MS4A14: variants seen among roughly 807,000 people sequenced by gnomAD.
MS4A14 encodes membrane spanning 4-domains A14.
MS4A14 carries 18 observed loss-of-function variants against 16.7 expected under a neutral mutation model. The observed-to-expected ratio is 1.08, with a 90% CI of 0.75 to 1.60. The LOEUF is 1.60. MS4A14 is among the 40% of genes most tolerant of loss of function. The probability of loss-of-function intolerance (pLI) is 0.00; values close to 1 mark genes in which losing one functional copy is unlikely to be tolerated. For missense variants in MS4A14, 812 were observed against 775.3 expected, an observed-to-expected ratio of 1.05 and a Z score of -0.56; for synonymous variants, 305 against 289.4, an observed-to-expected ratio of 1.05 and a Z score of -0.55.
intron 4 of MS4A14, among the ~76,000 whole-genome samples, chr11:60,409,655 C>T (rs2135143512): frequency 6.6e-6 from 1 of 150,976 alleles, no homozygotes; most frequent in South Asian, 2.1e-4. Context: ...TATCTTGGCT[C>T]TTGTGAATAG....
intron 4 of MS4A14, among the ~76,000 whole-genome samples, chr11:60,405,659 T>C (rs976846240): frequency 5.9e-5 from 9 of 152,146 alleles, no homozygotes; most frequent in Non-Finnish European, 1.2e-4. Flanking sequence ...CTCTACTCTT[T>C]CCCTGTTTAG....
Position 60,416,743 on chromosome 11 carries a change from A to C in MS4A14, c.1775A>C (p.Asp592Ala), listed in dbSNP as rs1446895769. The change falls in exon 5 of 5, where the codon GAT becomes GCT. Residue 592 changes from aspartate (D) to alanine (A), a missense_variant. Physicochemically the swap from Asp to Ala is moderately radical, Grantham distance 126. Transcript: ENST00000300187. ...GGACAAGTTAAAGACCAGCAGACTG[A>C]TAAGGAGCAAAACTCAAAGAAGCAA... is the stretch of plus-strand genomic sequence containing the variant. Reference protein sequence around the residue: ...KDGQVKDQQTDKEQNSKKQTQ... With the variant: ...KDGQVKDQQTAKEQNSKKQTQ... 2.5e-6 allele frequency: 4 copies of C among 1,613,718 alleles called. No individual in the cohort carries two copies. The South Asian group carries it at 3.3e-5, about 13-fold the overall frequency.
chr11:60,399,221 C>A (rs1414495519), intron 2 of MS4A14, among the ~76,000 whole-genome samples: 1 of 152,162 alleles, frequency 6.6e-6, no homozygotes, highest in African/African-American at 2.4e-5. Flanking sequence ...GCTAAGTGCT[C>A]TAAGAGGAGA....
chr11:60,403,035 T>G lies in MS4A14; in HGVS notation c.442T>G (p.Cys148Gly), dbSNP rs1329838207. Residue 148 changes from cysteine (C) to glycine (G), a missense_variant, in exon 4 of 5, where the codon TGT (cysteine) becomes GGT (glycine). By Grantham distance (159) the Cys-to-Gly change is radical (BLOSUM62 -3). Transcript: ENST00000300187. ...YCQMPSFEEI[C>G]VFSRTLFIVL... ...CCAGATGCCATCCTTTGAAGAAATA[T>G]GTGTTTTCAGTAGAACTCTTTTCAT... The G allele has an allele frequency of 6.2e-7, 1 of 1,613,774 alleles. No individual in the cohort carries two copies. The highest frequency in any genetic ancestry group is 1.7e-5 in the Admixed American group (1 of 60,016).
At chr11:60,409,467 G>T (rs1447727785) in intron 4 of MS4A14, among the ~76,000 whole-genome samples, 2 of 151,432 alleles carry the variant, frequency 1.3e-5, no homozygotes, top group Non-Finnish European at 2.9e-5. Flanking sequence ...TGTCCTCCAG[G>T]TTAATGCATG....
Position 60,416,164 on chromosome 11 carries a change from A to C in MS4A14, c.1196A>C (p.Asp399Ala). ...DTPSHAMPPQ[D>A]IPSQDMLSQA... The stretch of plus-strand genomic sequence containing the variant: ...CCATCCCACGCCATGCCACCTCAAG[A>C]CATACCTTCCCAAGATATGCTATCC... The change falls in exon 5 of 5, where the codon GAC becomes GCC. Residue 399 changes from aspartate to alanine, a missense_variant. By Grantham distance (126) the Asp-to-Ala change is moderately radical. Transcript: ENST00000300187. The C allele has an allele frequency of 6.2e-7, 1 of 1,613,206 alleles. No individual in the cohort carries two copies. The highest frequency in any genetic ancestry group is 8.5e-7 in the Non-Finnish European group (1 of 1,179,686).
chr11:60,407,605 A>G (rs1386285536), intron 4 of MS4A14, among the ~76,000 whole-genome samples: 2 of 152,178 alleles, frequency 1.3e-5, no homozygotes, highest in African/African-American at 4.8e-5. Context: ...CAGTTTATTA[A>G]TAATTTAGCT....
At chr11:60,410,304 GTTTGT>G (rs561068209) in intron 4 of MS4A14, among the ~76,000 whole-genome samples, 2 of 152,216 alleles carry the variant, frequency 1.3e-5, no homozygotes, top group African/African-American at 4.8e-5. Flanking sequence ...TAATTGGGCT[GTTTGT>G]TTTTTGTTGT....
chr11:60,416,180 T>C lies in MS4A14; in HGVS notation c.1212T>C (p.Asp404=), dbSNP rs1418776584. The C allele has an allele frequency of 1.2e-6, 2 of 1,613,670 alleles. No homozygotes were observed. The highest frequency in any genetic ancestry group is 8.5e-7 in the Non-Finnish European group (1 of 1,179,876). Residue 404 remains aspartate, a synonymous_variant, in exon 5 of 5, where the codon GAT becomes GAC. Transcript: ENST00000300187. ...AMPPQDIPSQ[D]MLSQALSAHA... is the part of the protein sequence containing the mutation. ...CACCTCAAGACATACCTTCCCAAGA[T>C]ATGCTATCCCAAGCTCTATCAGCGC...
intron 4 of MS4A14, 153 bp downstream of exon 4, chr11:60,403,214 T>C: frequency 1.3e-6 from 1 of 789,792 alleles, no homozygotes; most frequent in Non-Finnish European, 2.1e-6. Context: ...ACTGTTACAA[T>C]GGTTAAGGAG....
intron 4 of MS4A14, among the ~76,000 whole-genome samples, chr11:60,405,259 A>G (rs1397007086): frequency 6.6e-6 from 1 of 152,008 alleles, no homozygotes; most frequent in Non-Finnish European, 1.5e-5. Context: ...TTGTATTTTT[A>G]GTAGAGACGG....
chr11:60,406,964 C>A (rs1412985266), intron 4 of MS4A14, among the ~76,000 whole-genome samples: 2 of 149,922 alleles, frequency 1.3e-5, no homozygotes, highest in African/African-American at 2.5e-5. Context: ...AGAATTCATT[C>A]CCTTTATGTA....
At chr11:60,402,766 AT>A (rs1486737284) in intron 3 of MS4A14, 145 bp from the exon 4 acceptor site, 13 of 775,628 alleles carry the variant, frequency 1.7e-5, no homozygotes, top group Non-Finnish European at 2.5e-5. Context: ...AATTTAGTTT[AT>A]TAAGCCTTCC....
chr11:60,416,349 A>C lies in MS4A14; in HGVS notation c.1381A>C (p.Arg461=). ...QILQMSYQDI[R]SEVMEETKEW... ...TTTACAAATGTCATATCAAGATATTAGATCAGAAGTTATGGAAGAGACCAA... is the reference window on the plus strand; with the variant it reads ...TTTACAAATGTCATATCAAGATATTCGATCAGAAGTTATGGAAGAGACCAA... The change falls in exon 5 of 5, where the codon AGA becomes CGA. Residue 461 remains arginine, a synonymous_variant. Coordinates refer to ENST00000300187, the MANE Select transcript of MS4A14 (RefSeq NM_032597.5). 6.2e-7 allele frequency: 1 copy of C among 1,613,988 alleles called. No homozygotes were observed. The highest frequency in any genetic ancestry group is 8.5e-7 in the Non-Finnish European group (1 of 1,179,910).
At chr11:60,405,947 T>C (rs910970519) in intron 4 of MS4A14, 3 of 1,533,366 alleles carry the variant, frequency 2.0e-6, no homozygotes, top group African/African-American at 1.4e-5. Flanking sequence ...TCTGTGACTA[T>C]TGCATCCTTT....
intron 4 of MS4A14, among the ~76,000 whole-genome samples, chr11:60,408,628 T>C (rs1215950907): frequency 1.3e-5 from 2 of 152,238 alleles, no homozygotes; most frequent in East Asian, 1.9e-4. Context: ...TTGTAGCATA[T>C]ATCAAAATTT....
intron 4 of MS4A14, chr11:60,406,058 G>C: frequency 1.1e-6 from 1 of 927,692 alleles, no homozygotes; most frequent in Non-Finnish European, 1.5e-6. Flanking sequence ...TGCACACAAT[G>C]ATGTCTGATT....
At chr11:60,410,479 G>GTTC (rs150682223) in intron 4 of MS4A14, among the ~76,000 whole-genome samples, 1 of 151,708 alleles carries the variant, frequency 6.6e-6, no homozygotes, top group African/African-American at 2.4e-5. Flanking sequence ...TTATTTTGTT[G>GTTC]TTTTCTGTGC....
Position 60,416,497 on chromosome 11 carries a change from A to G in MS4A14, c.1529A>G (p.Gln510Arg). The change falls in exon 5 of 5, where the codon CAG (glutamine) becomes CGG (arginine). Residue 510 changes from glutamine to arginine, a missense_variant. By Grantham distance (43) the Gln-to-Arg change is conservative. Coordinates refer to ENST00000300187, the MANE Select transcript of MS4A14 (RefSeq NM_032597.5). ...TCTTTAGACGTGCAAGCCAAAGGCC[A>G]GAAATCCTCAAAGAGGCATTCCTTA... The part of the protein sequence containing the change: ...RHSLDVQAKG[Q>R]KSSKRHSLDQ... The G allele has an allele frequency of 2.5e-6, 4 of 1,613,998 alleles. No homozygotes were observed. Among genetic ancestry groups the G allele is most frequent in the Non-Finnish European group, 3.4e-6 (4 of 1,179,964 alleles).
Sources: gnomAD v4.1 joint callset for allele counts (sites outside exome capture counted in the v4.1 genomes callset) on GRCh38, gnomAD v4.1.1 for gene constraint, MANE v1.5 for transcripts, NCBI Gene and HGNC (gene_info 2026-07-23, HGNC 2026-07-21) for gene names.